Variants in GPR55 observed in about 807,000 individuals in gnomAD.
GPR55 encodes the protein G-protein coupled receptor 55.
Under a neutral mutation model 7.9 loss-of-function variants are expected in GPR55, and 6 were observed. The observed-to-expected ratio is 0.76, with a 90% CI of 0.41 to 1.49. The LOEUF (loss-of-function observed/expected upper bound fraction) is 1.49. GPR55 is among the 40% of genes most tolerant of loss of function. GPR55 has a pLI of 0.01. For missense variants in GPR55, 376 were observed against 406.0 expected (o/e 0.93, Z 0.63); for synonymous variants, 183 against 166.8 (o/e 1.10, Z -0.75).
chr2:230,943,300 C>G (rs755902826), intron 1 of GPR55, among the ~76,000 whole-genome samples: 1 of 152,094 alleles, frequency 6.6e-6, no homozygotes, highest in Non-Finnish European at 1.5e-5. Context: ...CCAGACTGCC[C>G]GAGAGCTTGG....
chr2:230,956,204 G>C (rs1333441581), intron 1 of GPR55, among the ~76,000 whole-genome samples: 3 of 151,766 alleles, frequency 2.0e-5, no homozygotes, highest in Non-Finnish European at 4.4e-5. Context: ...TCACTCTGTT[G>C]CCCAGGCTGG....
intron 1 of GPR55, among the ~76,000 whole-genome samples, chr2:230,940,745 G>A (rs1691213087): frequency 6.6e-6 from 1 of 152,208 alleles, no homozygotes; most frequent in South Asian, 2.1e-4. Context: ...TTTCTGGCCA[G>A]TCCAGGCTTT....
chr2:230,936,892 A>G (rs1289453063), intron 1 of GPR55, among the ~76,000 whole-genome samples: 8 of 152,246 alleles, frequency 5.3e-5, no homozygotes, highest in Non-Finnish European at 8.8e-5. Flanking sequence ...ATTTATATTT[A>G]TGATTCTTCT....
At chr2:230,934,141 G>A (rs987794246) in intron 1 of GPR55, among the ~76,000 whole-genome samples, 2 of 152,078 alleles carry the variant, frequency 1.3e-5, no homozygotes, top group East Asian at 1.9e-4. Context: ...TATATGGGCC[G>A]CTTATTTGGA....
intron 1 of GPR55, among the ~76,000 whole-genome samples, chr2:230,946,630 T>C (rs968536482): frequency 1.3e-5 from 2 of 152,182 alleles, no homozygotes; most frequent in Admixed American, 6.5e-5. Flanking sequence ...TAGAGATCAA[T>C]GAACTAGAGA....
chr2:230,953,234 T>A (rs904451333), intron 1 of GPR55, among the ~76,000 whole-genome samples: 1 of 152,154 alleles, frequency 6.6e-6, no homozygotes, highest in Non-Finnish European at 1.5e-5. Flanking sequence ...TATGTCTAGG[T>A]ACAAATCTCA....
chr2:230,955,710 TTTTTG>T (rs71968958), intron 1 of GPR55, among the ~76,000 whole-genome samples: 77,461 of 150,920 alleles, frequency 0.51, 22,603 homozygotes, highest in African/African-American at 0.8. Context: ...TGCCAGTGTC[TTTTTG>T]TTTTGTTTTG....
At chr2:230,936,348 G>A (rs911476362) in intron 1 of GPR55, among the ~76,000 whole-genome samples, 2 of 152,148 alleles carry the variant, frequency 1.3e-5, no homozygotes, top group African/African-American at 4.8e-5. Flanking sequence ...ATTGAATCAT[G>A]GGGGCGGTTA....
upstream of GPR55, among the ~76,000 whole-genome samples, chr2:230,926,907 G>A (rs1312843176): frequency 6.6e-6 from 1 of 151,788 alleles, no homozygotes; most frequent in Non-Finnish European, 1.5e-5. Flanking sequence ...TGGTCAGGCT[G>A]GTCTTGAACT....
At chr2:230,952,432 G>C (rs965311621) in intron 1 of GPR55, among the ~76,000 whole-genome samples, 59 of 152,370 alleles carry the variant, frequency 3.9e-4, no homozygotes, top group African/African-American at 1.4e-3. Context: ...GAGGGCTAAG[G>C]AAGGCCACAG....
At chr2:230,913,190 A>G (rs1030066419) in intron 1 of GPR55, among the ~76,000 whole-genome samples, 10 of 152,208 alleles carry the variant, frequency 6.6e-5, no homozygotes, top group Non-Finnish European at 1.3e-4. Flanking sequence ...GTATTTTACC[A>G]GGAAACAATG....
Position 230,910,437 on chromosome 2 carries a change from T to A in GPR55, c.526A>T (p.Thr176Ser). 1 of 1,613,966 alleles carries A rather than the reference T, an allele frequency of 6.2e-7. No homozygotes were observed. The highest frequency in any genetic ancestry group is 8.5e-7 in the Non-Finnish European group (1 of 1,179,896). The change falls in exon 2 of 2, where the codon ACC (threonine) becomes TCC (serine). Residue 176 changes from threonine (T) to serine (S), a missense_variant. By Grantham distance (58) the Thr-to-Ser change is moderately conservative (BLOSUM62 1). Coordinates refer to ENST00000650999, the MANE Select transcript of GPR55 (RefSeq NM_005683.4). This position sits in a 1 kb window ranked among gnomAD's most constrained non-coding sequence, Gnocchi z 5.4. ...GGGAAGAAGACCTTGGCGCTCCAGG[T>A]ATCATCAGACATGTTGTGGAAGCAC... ...YMCFHNMSDD[T>S]WSAKVFFPLE...
intron 1 of GPR55, among the ~76,000 whole-genome samples, chr2:230,913,525 C>T (rs554318780): frequency 6.6e-6 from 1 of 152,182 alleles, no homozygotes; most frequent in East Asian, 1.9e-4. Context: ...ACTTTTCTCA[C>T]AGATTTATGT....
intron 1 of GPR55, among the ~76,000 whole-genome samples, chr2:230,913,059 A>G (rs1690629200): frequency 6.6e-6 from 1 of 152,194 alleles, no homozygotes; most frequent in Non-Finnish European, 1.5e-5. Context: ...TTTTTCGCTC[A>G]TCAATGTTTC....
At position 230,924,159 on chromosome 2, in the gene GPR55, G is replaced by A. The variant is rs1690898860; in HGVS notation, c.-135+1009C>T. 6.6e-6 allele frequency among the ~76,000 whole-genome samples: 1 copy of A among 152,130 alleles called. No individual in the cohort carries two copies. Among genetic ancestry groups the A allele is most frequent in the South Asian group, 2.1e-4 (1 of 4,816 alleles). On this transcript the variant is annotated intron_variant, in intron 1 of 1. Coordinates refer to ENST00000650999, the MANE Select transcript of GPR55 (RefSeq NM_005683.4). The surrounding 1 kb of genome is among the most constrained non-coding windows in gnomAD (Gnocchi z 4.5). ...CCTTTATCACCGAGCCTCACATACA[G>A]TTTGTCGTTGGGAAGGTCTTATTGC...
chr2:230,947,895 G>A (rs1267431809), intron 1 of GPR55, among the ~76,000 whole-genome samples: 1 of 152,056 alleles, frequency 6.6e-6, no homozygotes, highest in African/African-American at 2.4e-5. Context: ...CTACAGCGAG[G>A]CTTCCTAAAA....
chr2:230,920,839 C>T (rs1690815335), intron 1 of GPR55, among the ~76,000 whole-genome samples: 1 of 139,142 alleles, frequency 7.2e-6, no homozygotes. Context: ...GGGGCAACCT[C>T]ACAGAGGTTT....
intron 1 of GPR55, among the ~76,000 whole-genome samples, chr2:230,930,678 T>A (rs1691022075): frequency 1.3e-5 from 2 of 152,066 alleles, no homozygotes; most frequent in African/African-American, 4.8e-5. Context: ...TTTCCCAGGC[T>A]GGTCTCCAAG....
chr2:230,936,726 T>C (rs150027983), intron 1 of GPR55, among the ~76,000 whole-genome samples: 121 of 152,304 alleles, frequency 7.9e-4, no homozygotes, highest in African/African-American at 2.8e-3. Flanking sequence ...TGAAAGGTAG[T>C]TGTCTATAAA....
Sources: gnomAD v4.1 joint callset for allele counts (sites outside exome capture counted in the v4.1 genomes callset) on GRCh38, gnomAD v4.1.1 for gene constraint, Gnocchi (gnomAD v3.1) non-coding constraint, MANE v1.5 for transcripts, NCBI Gene and HGNC (gene_info 2026-07-23, HGNC 2026-07-21) for gene names.